The following MED23 variants were observed in gnomAD, a reference collection of about 807,000 sequenced individuals.
MED23 encodes the protein mediator of RNA polymerase II transcription subunit 23.
MED23 carries 105 observed loss-of-function variants against 163.9 expected under a neutral mutation model. The ratio of observed to expected loss-of-function variants is 0.64; its 90% CI spans 0.55 to 0.75. MED23 has a LOEUF of 0.75. MED23 is among the 30% of genes least tolerant of loss of function. The probability of loss-of-function intolerance (pLI) is 0.00; values close to 1 mark genes in which losing one functional copy is unlikely to be tolerated. For synonymous variants in MED23, 561 were observed against 565.6 expected (o/e 0.99, Z 0.12); for missense variants, 1,054 against 1,649.0 (o/e 0.64, Z 6.25).
In MED23 at chr6:131,598,242, C is replaced by T. The variant is rs1775218632; in HGVS notation, c.2607+45G>A. The T allele has an allele frequency of 1.9e-6, 3 of 1,552,464 alleles. No individual in the cohort carries two copies. Among genetic ancestry groups the T allele is most frequent in the Non-Finnish European group, 1.8e-6 (2 of 1,124,410 alleles). On this transcript the variant is annotated intron_variant, in intron 20 of 28. Transcript: ENST00000368068. The surrounding 1 kb of genome is among the most constrained non-coding windows in gnomAD (Gnocchi z 4.7). ...ATTGGCATAACATATATTAGTCATA[C>T]ATCTTGATCTAAGAGAATAAGCTTA...
At chr6:131,622,022 T>A in intron 5 of MED23, 43 bp from the exon 6 acceptor site, 1 of 1,417,346 alleles carries the variant, frequency 7.1e-7, no homozygotes, top group Non-Finnish European at 1.0e-6. Flanking sequence ...AAGTAGTGTC[T>A]ACTGTGTTAG....
At chr6:131,575,765 A>G (rs1356014700) in intron 30 of MED23, among the ~76,000 whole-genome samples, 1 of 152,230 alleles carries the variant, frequency 6.6e-6, no homozygotes, top group Non-Finnish European at 1.5e-5. Context: ...CTAATTGTTC[A>G]GGGGACTGAG....
chr6:131,627,733 G>C, intron 1 of MED23, 61 bp from the exon 2 acceptor site: 2 of 1,477,006 alleles, frequency 1.4e-6, no homozygotes, highest in Admixed American at 3.7e-5. Context: ...GCCTCCCTTA[G>C]CCAAGTATTA....
downstream of MED23, chr6:131,583,703 C>T (rs756392904): frequency 1.9e-6 from 3 of 1,599,538 alleles, no homozygotes; most frequent in Admixed American, 5.0e-5. Flanking sequence ...AAAATGTCAA[C>T]TATTTTATAA....
At chr6:131,625,983 G>A (rs958447251) in intron 3 of MED23, among the ~76,000 whole-genome samples, 88 of 151,788 alleles carry the variant, frequency 5.8e-4, no homozygotes, top group African/African-American at 2.0e-3. Context: ...TGAGCCGGGC[G>A]TGATAGCAGG....
chr6:131,625,374 G>C (rs1020495075), intron 3 of MED23, among the ~76,000 whole-genome samples: 4 of 152,164 alleles, frequency 2.6e-5, no homozygotes, highest in Admixed American at 6.5e-5. Context: ...TTATGGATCA[G>C]TATGTATCAG....
chr6:131,623,759 T>C (rs1407709627), intron 4 of MED23, among the ~76,000 whole-genome samples: 1 of 152,194 alleles, frequency 6.6e-6, no homozygotes, highest in Non-Finnish European at 1.5e-5. Flanking sequence ...TTTGCCATTA[T>C]TCTAAGTTTC....
Position 131,604,275 on chromosome 6 carries a change from T to C in MED23, c.1659A>G (p.Ala553=). The change falls in exon 15 of 29, where the codon GCA becomes GCG. Residue 553 remains alanine (A), a synonymous_variant. Coordinates refer to ENST00000368068, the MANE Select transcript of MED23 (RefSeq NM_004830.4). ...IATRVIKLAH[A]KSSVALAPAL... ...CTGGAGCCAAGGCCACACTGGACTT[T>C]GCATGAGCAAGTTTTATCACCCTGG... The C allele has an allele frequency of 2.5e-6, 4 of 1,613,912 alleles. No homozygotes were observed. Among genetic ancestry groups the C allele is most frequent in the African/African-American group, 1.3e-5 (1 of 75,042 alleles).
At position 131,619,840 on chromosome 6, in the gene MED23, T is replaced by C; in HGVS notation, c.654A>G (p.Ile218Met). 2 of 1,609,450 alleles carry C rather than the reference T, an allele frequency of 1.2e-6. No homozygotes were observed. ...FVDTFRPTAR[I>M]NSICGRCSLL... ...TTATAATCCTACCACAAATGGAGTT[T>C]ATCCTTGCTGTGGGCCTGAAGGTAT... Residue 218 changes from isoleucine to methionine, a missense_variant, in exon 8 of 29, where the codon ATA becomes ATG. Around this residue, in one of 11 missense-constraint regions of MED23, gnomAD observed 54 missense variants for 79.7 expected, o/e 0.68. Transcript: ENST00000368068.
At chr6:131,626,128 AAAAAAAAAAAAAG>A (rs988301201) in intron 3 of MED23, among the ~76,000 whole-genome samples, 3 of 151,118 alleles carry the variant, frequency 2.0e-5, no homozygotes, top group Non-Finnish European at 3.0e-5. Context: ...TCTCCAAAAA[AAAAAAAAAAAAAG>A]AAAAGAAAAA....
At chr6:131,599,604 C>T (rs1031761864) in intron 18 of MED23, among the ~76,000 whole-genome samples, 7 of 151,928 alleles carry the variant, frequency 4.6e-5, no homozygotes, top group Non-Finnish European at 8.8e-5. Flanking sequence ...ATTTTTTTCA[C>T]TTTTATTTTT....
intron 4 of MED23, 22 bp downstream of exon 4, chr6:131,624,843 T>A: frequency 5.0e-6 from 8 of 1,613,422 alleles, no homozygotes; most frequent in Middle Eastern, 3.3e-4. Context: ...TTCTTCAGAT[T>A]GCTCATACCC....
At chr6:131,605,139 C>T in intron 14 of MED23, 101 bp downstream of exon 14, 14 of 1,271,062 alleles carry the variant, frequency 1.1e-5, no homozygotes, top group South Asian at 4.1e-5. Context: ...TCAAATGTAC[C>T]TGACTATGAA....
At chr6:131,604,466 G>C in intron 14 of MED23, 146 bp from the exon 15 acceptor site, 1 of 957,496 alleles carries the variant, frequency 1.0e-6, no homozygotes, top group Non-Finnish European at 1.6e-6. Flanking sequence ...AGCTGTGCAG[G>C]ACACTTGGTA....
chr6:131,607,779 A>G, intron 12 of MED23, 149 bp downstream of exon 12: 1 of 849,052 alleles, frequency 1.2e-6, no homozygotes, highest in South Asian at 1.6e-5. Flanking sequence ...CCTACCTAGA[A>G]TGTAGAGAAA....
chr6:131,603,152 T>G lies in MED23; in HGVS notation c.1809A>C (p.Thr603=), dbSNP rs762489637. The G allele has an allele frequency of 2.1e-5, 34 of 1,613,586 alleles. No homozygotes were observed. Among genetic ancestry groups the G allele is most frequent in the Middle Eastern group, 1.6e-4 (1 of 6,082 alleles). Residue 603 remains threonine (T), a synonymous_variant, in exon 16 of 29, where the codon ACA becomes ACC. Coordinates refer to ENST00000368068, the MANE Select transcript of MED23 (RefSeq NM_004830.4). ...TCCGGTAGCTAAACATCTCAAGGAG[T>G]GTGTGTAAGATCCCCCATGCATGTG... is the stretch of plus-strand genomic sequence containing the variant. ...FKSHAWGILH[T]LLEMFSYRMH... is the part of the protein sequence containing the mutation.
Position 131,606,644 on chromosome 6 carries a change from AAAAT to A in MED23, c.1222-24_1222-21del, listed in dbSNP as rs780519419. Reference sequence around the variant, plus strand: ...GATATACTGAAAAATAACAATTTGAAAAATAACACAATAGAAGAAAGAGAAGAAT... The same window carrying A: ...GATATACTGAAAAATAACAATTTGAAAACACAATAGAAGAAAGAGAAGAAT... On this transcript the variant is annotated intron_variant, in intron 12 of 28. Coordinates refer to ENST00000368068, the MANE Select transcript of MED23 (RefSeq NM_004830.4). 50 of 1,564,198 alleles carry A rather than the reference AAAAT, an allele frequency of 3.2e-5. No homozygotes were observed. The highest frequency in any genetic ancestry group is 4.2e-5 in the Non-Finnish European group (48 of 1,136,170).
At chr6:131,586,339 G>A (rs149017356), downstream of MED23, among the ~76,000 whole-genome samples, 4 of 151,728 alleles carry the variant, frequency 2.6e-5, no homozygotes, top group African/African-American at 9.7e-5. Flanking sequence ...GGTGGAGCTT[G>A]TAGTGAGCCC....
chr6:131,595,461 G>A (rs1774976865), intron 22 of MED23, among the ~76,000 whole-genome samples: 1 of 152,172 alleles, frequency 6.6e-6, no homozygotes, highest in Admixed American at 6.5e-5. Context: ...ATTATTATCT[G>A]CAATTACAAA....
Sources: allele counts gnomAD v4.1 joint callset (sites outside exome capture counted in the v4.1 genomes callset), GRCh38; gene constraint gnomAD v4.1.1; regional missense constraint gnomAD v4.1.1; non-coding constraint Gnocchi (gnomAD v3.1); transcripts MANE v1.5; gene names NCBI Gene and HGNC (gene_info 2026-07-23, HGNC 2026-07-21).